GSTZ1: variants seen among roughly 807,000 people sequenced by gnomAD.
The protein encoded by GSTZ1 is maleylacetoacetate isomerase.
In GSTZ1, 34 loss-of-function variants were observed where a neutral mutation model predicts 35.9. The ratio of observed to expected loss-of-function variants is 0.95; its 90% CI spans 0.72 to 1.26. The LOEUF (loss-of-function observed/expected upper bound fraction) is 1.26, where lower values mean the gene tolerates loss of function less well. Among genes scored for constraint, GSTZ1 ranks in the 50% most tolerant of loss-of-function variants. The pLI, the probability that GSTZ1 is intolerant of heterozygous loss-of-function variation, is 0.00. For missense variants in GSTZ1, 263 were observed against 271.7 expected (o/e 0.97, Z 0.23); for synonymous variants, 93 against 101.2 (o/e 0.92, Z 0.49).
intron 2 of GSTZ1, chr14:77,326,562 C>G: frequency 2.4e-6 from 1 of 419,210 alleles, no homozygotes; most frequent in Non-Finnish European, 4.4e-6. Context: ...TTATCACCAT[C>G]CAGGGGGCAT....
chr14:77,321,599 C>G (rs987335175), intron 1 of GSTZ1: 8 of 1,119,318 alleles, frequency 7.1e-6, no homozygotes, highest in Non-Finnish European at 9.0e-6. Flanking sequence ...TTAAGAGTCC[C>G]CGGGCCGGGC....
chr14:77,331,098 C>T lies in GSTZ1; in HGVS notation c.554C>T (p.Thr185Ile), dbSNP rs779964469. The change falls in exon 9 of 9, where the codon ACC becomes ATC. Residue 185 changes from threonine to isoleucine, a missense_variant. Physicochemically the swap from Thr to Ile is moderately conservative, Grantham distance 89. Transcript: ENST00000216465. Reference protein sequence around the residue: ...RFKVDLTPYPTISSINKRLLV... With the variant: ...RFKVDLTPYPIISSINKRLLV... ...AAGGTGGATCTCACCCCCTACCCTA[C>T]CATCAGCTCCATCAACAAGAGGCTG... is the stretch of plus-strand genomic sequence containing the variant. 3 of 1,613,954 alleles carry T rather than the reference C, an allele frequency of 1.9e-6. No homozygotes were observed. Among genetic ancestry groups the T allele is most frequent in the Non-Finnish European group, 2.5e-6 (3 of 1,179,820 alleles).
rs1892607436 is a variant in GSTZ1 at position 77,331,120 on chromosome 14, G to A, written c.576G>A (p.Arg192=). 8 of 1,614,098 alleles carry A rather than the reference G, an allele frequency of 5.0e-6. No homozygotes were observed. The East Asian group carries it at 1.6e-4, about 31-fold the overall frequency. The change falls in exon 9 of 9, where the codon AGG becomes AGA. Residue 192 remains arginine, a synonymous_variant. Transcript: ENST00000216465. Reference sequence around the variant, plus strand: ...CTACCATCAGCTCCATCAACAAGAGGCTGCTGGTCTTGGAGGCCTTCCAGG... The same window carrying A: ...CTACCATCAGCTCCATCAACAAGAGACTGCTGGTCTTGGAGGCCTTCCAGG... The part of the protein sequence containing the change: ...PYPTISSINK[R]LLVLEAFQVS...
chr14:77,331,428 C>G lies in GSTZ1; in HGVS notation c.*233C>G. 1 of 474,918 alleles carries G rather than the reference C, an allele frequency of 2.1e-6. No individual in the cohort carries two copies. Among genetic ancestry groups the G allele is most frequent in the Non-Finnish European group, 3.8e-6 (1 of 265,712 alleles). 29.4% of individuals were successfully genotyped at this position (474,918 alleles called of 1,614,324 possible). On this transcript the variant is annotated 3_prime_UTR_variant, in exon 9 of 9. Transcript: ENST00000216465. The stretch of plus-strand genomic sequence containing the variant: ...GGCAGGAATACTGTTATCTATGTGA[C>G]GGGGCAGTCGTGAGGCTGAGATGAG...
chr14:77,322,292 G>A (rs1242126659), intron 1 of GSTZ1, among the ~76,000 whole-genome samples: 1 of 152,200 alleles, frequency 6.6e-6, no homozygotes, highest in Admixed American at 6.5e-5. Flanking sequence ...ATGGATACTT[G>A]GGCTTAAAGT....
At chr14:77,326,682 G>A (rs1055749301) in intron 2 of GSTZ1, 156 bp from the exon 3 acceptor site, 3 of 596,234 alleles carry the variant, frequency 5.0e-6, no homozygotes, top group Non-Finnish European at 6.1e-6. Flanking sequence ...AAGGAAAGCT[G>A]AGAGAAGGGG....
At chr14:77,329,483 G>A (rs1566675557) in intron 6 of GSTZ1, 14 of 594,746 alleles carry the variant, frequency 2.4e-5, no homozygotes, top group East Asian at 2.8e-5. Context: ...CCAGCACAGC[G>A]CCAGCCATCA....
chr14:77,326,627 G>A (rs1892327362), intron 2 of GSTZ1: 2 of 543,234 alleles, frequency 3.7e-6, no homozygotes, highest in Non-Finnish European at 6.7e-6. Context: ...TCAGGGGTGA[G>A]TGAGGCAGAG....
chr14:77,321,278 C>A (rs780805235), intron 1 of GSTZ1, 95 bp downstream of exon 1: 5 of 1,521,848 alleles, frequency 3.3e-6, no homozygotes, highest in Non-Finnish European at 4.5e-6. Flanking sequence ...CCGCCCAGGC[C>A]GACAACGACT....
Position 77,321,983 on chromosome 14 carries a change from G to C in GSTZ1, c.15+800G>C, listed in dbSNP as rs566666950. ...TGTTCTTCCCGGGGCCTGCTCCAGAGCCACTCTGTTCATCTCTGGTGGAAC... is the reference window on the plus strand; with the variant it reads ...TGTTCTTCCCGGGGCCTGCTCCAGACCCACTCTGTTCATCTCTGGTGGAAC... On this transcript the variant is annotated intron_variant, in intron 1 of 8. Coordinates refer to ENST00000216465, the MANE Select transcript of GSTZ1 (RefSeq NM_145870.3). Among the ~76,000 whole-genome samples, 4 of 152,190 alleles carry C rather than the reference G, an allele frequency of 2.6e-5. No individual in the cohort carries two copies. The East Asian group carries it at 7.7e-4, about 29-fold the overall frequency.
intron 1 of GSTZ1, chr14:77,324,315 T>G (rs1892188373): frequency 4.5e-6 from 2 of 441,746 alleles, no homozygotes; most frequent in Admixed American, 6.8e-5. Context: ...GCTGATTTTT[T>G]TTTGTATTTT....
chr14:77,321,508 C>T, intron 1 of GSTZ1: 1 of 1,363,410 alleles, frequency 7.3e-7, no homozygotes, highest in South Asian at 1.4e-5. Context: ...AAACGTCGCC[C>T]CAAGCCTCCC....
chr14:77,321,298 C>A, intron 1 of GSTZ1, 115 bp downstream of exon 1: 1 of 1,517,904 alleles, frequency 6.6e-7, no homozygotes, highest in Non-Finnish European at 8.9e-7. Flanking sequence ...TCCCGGCATG[C>A]AGTGCTTTGC....
intron 1 of GSTZ1, chr14:77,322,685 C>T (rs1892086233): frequency 4.1e-6 from 4 of 985,446 alleles, no homozygotes; most frequent in East Asian, 2.3e-4. Context: ...ACTTTCTGCC[C>T]ATCACCTGCT....
Position 77,324,864 on chromosome 14 carries a change from C to T in GSTZ1, c.16-6C>T, listed in dbSNP as rs1892233824. The stretch of plus-strand genomic sequence containing the variant: ...TAACACGCGCCTTCATCCTCTCTCT[C>T]CTCAGCCCATCCTCTATTCCTATTT... On this transcript the variant is annotated splice_polypyrimidine_tract_variant and splice_region_variant and intron_variant, in intron 1 of 8. Coordinates refer to ENST00000216465, the MANE Select transcript of GSTZ1 (RefSeq NM_145870.3). 8.1e-6 allele frequency: 13 copies of T among 1,613,968 alleles called. No homozygotes were observed. Among genetic ancestry groups the T allele is most frequent in the Non-Finnish European group, 1.1e-5 (13 of 1,179,774 alleles).
chr14:77,330,931 T>A, intron 8 of GSTZ1, 138 bp from the exon 9 acceptor site: 1 of 724,076 alleles, frequency 1.4e-6, no homozygotes, highest in Non-Finnish European at 2.3e-6. Context: ...CCCCTGTGAA[T>A]AAGGGCTGCC....
chr14:77,330,364 G>T lies in GSTZ1; in HGVS notation c.524+5G>T, dbSNP rs758069088. On this transcript the variant is annotated splice_donor_5th_base_variant and intron_variant, in intron 8 of 8. Coordinates refer to ENST00000216465, the MANE Select transcript of GSTZ1 (RefSeq NM_145870.3). ...TCAGGTGGCAAATGCTGAAAGGTAA[G>T]AGAGAGCCCCGCCACCCTCCCTTCT... 11 of 1,610,932 alleles carry T rather than the reference G, an allele frequency of 6.8e-6. No homozygotes were observed. The South Asian group carries it at 1.2e-4, about 18-fold the overall frequency.
intron 5 of GSTZ1, 44 bp downstream of exon 5, chr14:77,328,081 C>G (rs1892429942): frequency 6.2e-7 from 1 of 1,606,344 alleles, no homozygotes; most frequent in Non-Finnish European, 8.5e-7. Context: ...CTGACACACT[C>G]TTACACTCAC....
intron 8 of GSTZ1, 90 bp downstream of exon 8, chr14:77,330,449 C>T (rs1892566143): frequency 4.7e-6 from 5 of 1,056,510 alleles, no homozygotes; most frequent in Non-Finnish European, 7.4e-6. Context: ...CATGCAGACG[C>T]TTCGCCAACC....
Sources: gnomAD v4.1 joint callset for allele counts (sites outside exome capture counted in the v4.1 genomes callset) on GRCh38, gnomAD v4.1.1 for gene constraint, MANE v1.5 for transcripts, NCBI Gene and HGNC (gene_info 2026-07-23, HGNC 2026-07-21) for gene names.